LARGE1: variants seen among roughly 807,000 people sequenced by gnomAD.
LARGE1 encodes LARGE xylosyl- and glucuronyltransferase 1.
A neutral mutation model predicts 87.6 loss-of-function variants in LARGE1; 43 were observed. That is an observed-to-expected ratio of 0.49 (90% CI 0.38 to 0.63). LARGE1 has a LOEUF of 0.63. Ranked by LOEUF, LARGE1 falls within the 30% of genes least tolerant of loss-of-function variation. The probability of loss-of-function intolerance (pLI) is 0.00; values close to 1 mark genes in which losing one functional copy is unlikely to be tolerated. For synonymous variants in LARGE1, 434 were observed against 394.6 expected (o/e 1.10, Z -1.18); for missense variants, 802 against 1,000.2 (o/e 0.80, Z 2.67).
intron 12 of LARGE1, among the ~76,000 whole-genome samples, chr22:33,300,775 C>T (rs1602307311): frequency 2.6e-5 from 4 of 152,222 alleles, no homozygotes; most frequent in East Asian, 1.9e-4. Context: ...CTTCTGACCT[C>T]GTGATTCACC....
intron 1 of LARGE1, among the ~76,000 whole-genome samples, chr22:33,769,717 G>A (rs976287870): frequency 2.6e-5 from 4 of 152,108 alleles, no homozygotes; most frequent in East Asian, 1.9e-4. Flanking sequence ...TGTGAAAGTG[G>A]AGCTGTCCCC....
At chr22:33,502,211 AC>A (rs1174827415) in intron 6 of LARGE1, among the ~76,000 whole-genome samples, 3 of 136,700 alleles carry the variant, frequency 2.2e-5, no homozygotes, top group African/African-American at 8.1e-5. Flanking sequence ...AAAAAAAAAA[AC>A]TGTAGGAACC....
chr22:33,101,961 A>T, the LARGE1 span, among the ~76,000 whole-genome samples: 2 of 152,126 alleles, frequency 1.3e-5, no homozygotes, highest in South Asian at 4.1e-4. Context: ...TATTCCTTTC[A>T]ATTTCCTTTC....
At chr22:33,514,584 A>T (rs1001781405) in intron 6 of LARGE1, among the ~76,000 whole-genome samples, 3 of 152,202 alleles carry the variant, frequency 2.0e-5, no homozygotes, top group Admixed American at 6.5e-5. Context: ...TATGCAGGAG[A>T]TGTGCATAGA....
intron 5 of LARGE1, among the ~76,000 whole-genome samples, chr22:33,584,559 G>A (rs2078613454): frequency 6.6e-6 from 1 of 152,116 alleles, no homozygotes; most frequent in Admixed American, 6.6e-5. Flanking sequence ...TCCACTGACT[G>A]ATTTGTATCT....
At chr22:33,726,380 C>G in intron 2 of LARGE1, among the ~76,000 whole-genome samples, 1 of 152,204 alleles carries the variant, frequency 6.6e-6, no homozygotes, top group Non-Finnish European at 1.5e-5. Context: ...GAGCACACAG[C>G]TATAAAATTC....
chr22:33,650,582 G>GGCTCTC lies in LARGE1; in HGVS notation c.187_192dup (p.Glu63_Ser64dup), dbSNP rs1471456183. 1 of 1,606,462 alleles carries GGCTCTC rather than the reference G, an allele frequency of 6.2e-7. No homozygotes were observed. The highest frequency in any genetic ancestry group is 2.2e-5 in the East Asian group (1 of 44,870). ...TCCACCTCGCGCATGCGCACCTCCAGGCTCTCGCGCTCCCGCTGGCTGGAG... is the reference window on the plus strand; with the variant it reads ...TCCACCTCGCGCATGCGCACCTCCAGGCTCTCGCTCTCGCGCTCCCGCTGGCTGGAG... On this transcript the variant is annotated inframe_insertion, in exon 3 of 15. Transcript: ENST00000397394.
At chr22:33,546,232 T>C (rs2077357054) in intron 6 of LARGE1, among the ~76,000 whole-genome samples, 1 of 152,204 alleles carries the variant, frequency 6.6e-6, no homozygotes, top group Non-Finnish European at 1.5e-5. Flanking sequence ...AACCCTCCGA[T>C]CTCACCAACC....
At chr22:33,890,248 T>G (rs1779509658) in intron 1 of LARGE1, among the ~76,000 whole-genome samples, 1 of 152,226 alleles carries the variant, frequency 6.6e-6, no homozygotes, top group Admixed American at 6.5e-5. Flanking sequence ...GTTACCAAAC[T>G]CCACAATGCC....
intron 1 of LARGE1, among the ~76,000 whole-genome samples, chr22:33,874,567 T>C (rs1438661656): frequency 2.0e-5 from 3 of 152,236 alleles, no homozygotes; most frequent in Admixed American, 6.5e-5. Context: ...TGTTAGAGTT[T>C]GAGGGTATCT....
intron 11 of LARGE1, among the ~76,000 whole-genome samples, chr22:33,199,925 C>T (rs1423399307): frequency 6.6e-6 from 1 of 151,804 alleles, no homozygotes; most frequent in Non-Finnish European, 1.5e-5. Flanking sequence ...TCTCGGCTCA[C>T]TGCAACCTCT....
upstream of LARGE1, among the ~76,000 whole-genome samples, chr22:33,922,075 C>T (rs1251240434): frequency 6.6e-6 from 1 of 152,126 alleles, no homozygotes; most frequent in African/African-American, 2.4e-5. Flanking sequence ...GTCTCCACCT[C>T]TCCCCAGCCG....
chr22:33,408,458 TTTTTG>T (rs1454074168), intron 7 of LARGE1, among the ~76,000 whole-genome samples: 1 of 152,198 alleles, frequency 6.6e-6, no homozygotes, highest in African/African-American at 2.4e-5. Context: ...AAGGCTGTGT[TTTTTG>T]TAGAGTCTGT....
At position 33,497,403 on chromosome 22, in the gene LARGE1, C is replaced by T. The variant is rs73882243; in HGVS notation, c.788-65138G>A. Among the ~76,000 whole-genome samples, 1,024 of 152,254 alleles carry T rather than the reference C, an allele frequency of 6.7e-3. 10 individuals are homozygous for T. The highest frequency in any genetic ancestry group is 0.023 in the African/African-American group (954 of 41,532). On this transcript the variant is annotated intron_variant, in intron 6 of 14. Coordinates refer to ENST00000397394, the MANE Select transcript of LARGE1 (RefSeq NM_133642.5). ...CTATTTTCTTAGGCAAATGAAATGA[C>T]CACTCCATGTCTCAGTTTCATCACT...
At chr22:33,812,697 T>A (rs1283801342) in intron 1 of LARGE1, among the ~76,000 whole-genome samples, 1 of 152,228 alleles carries the variant, frequency 6.6e-6, no homozygotes, top group Non-Finnish European at 1.5e-5. Flanking sequence ...TCCCTTTGTG[T>A]GGATATTTCA....
intron 1 of LARGE1, among the ~76,000 whole-genome samples, chr22:33,774,292 T>C (rs886665719): frequency 6.6e-6 from 1 of 152,154 alleles, no homozygotes; most frequent in African/African-American, 2.4e-5. Flanking sequence ...AAACTTACCT[T>C]ATTCTCCACA....
chr22:33,319,990 G>C (rs955523885), intron 10 of LARGE1, among the ~76,000 whole-genome samples: 9 of 152,190 alleles, frequency 5.9e-5, no homozygotes, highest in African/African-American at 1.4e-4. Flanking sequence ...ACCGTTAAAA[G>C]GATGCAATTA....
chr22:33,519,998 CT>C (rs397868082), intron 6 of LARGE1, among the ~76,000 whole-genome samples: 5,450 of 97,294 alleles, frequency 0.056, 105 homozygotes, highest in African/African-American at 0.14. Context: ...TGGTTTTTCT[CT>C]TTTTTTTTTT....
chr22:33,640,643 T>C lies in LARGE1; in HGVS notation c.408+9724A>G, dbSNP rs910663719. Among the ~76,000 whole-genome samples the C allele has an allele frequency of 3.9e-5, 6 of 152,236 alleles. No individual in the cohort carries two copies. In the South Asian group the frequency reaches 6.2e-4, roughly 16 times the overall value. Reference sequence around the variant, plus strand: ...AGGGAGCCAAGTGGTCTCACTCAGCTGGTCCCACTCCCACAGAGCCCAGCA... The same window carrying C: ...AGGGAGCCAAGTGGTCTCACTCAGCCGGTCCCACTCCCACAGAGCCCAGCA... On this transcript the variant is annotated intron_variant, in intron 3 of 14. Coordinates refer to ENST00000397394, the MANE Select transcript of LARGE1 (RefSeq NM_133642.5).
Sources: gnomAD v4.1 joint callset for allele counts (sites outside exome capture counted in the v4.1 genomes callset) on GRCh38, gnomAD v4.1.1 for gene constraint, MANE v1.5 for transcripts, NCBI Gene and HGNC (gene_info 2026-07-23, HGNC 2026-07-21) for gene names.